The following BRWD1 variants were observed in gnomAD, a reference collection of about 807,000 sequenced individuals.
The protein encoded by BRWD1 is bromodomain and WD repeat-containing protein 1.
Under a neutral mutation model 251.2 loss-of-function variants are expected in BRWD1, and 82 were observed. The observed-to-expected ratio is 0.33, with a 90% CI of 0.27 to 0.39. The LOEUF (loss-of-function observed/expected upper bound fraction) is 0.39. Among genes scored for constraint, BRWD1 ranks in the 10% least tolerant of loss-of-function variants. The probability of loss-of-function intolerance (pLI) is 1.00; values close to 1 mark genes in which losing one functional copy is unlikely to be tolerated. For synonymous variants in BRWD1, 918 were observed against 902.8 expected (o/e 1.02, Z -0.30); for missense variants, 2,233 against 2,711.6 (o/e 0.82, Z 3.92).
intron 32 of BRWD1, 152 bp downstream of exon 32, chr21:39,215,085 G>T: frequency 6.2e-6 from 4 of 644,986 alleles, no homozygotes; most frequent in Non-Finnish European, 1.0e-5. Context: ...TGGTACGCTG[G>T]TCTCAAATGC....
chr21:39,310,603 C>CAA (rs59612585), intron 4 of BRWD1, among the ~76,000 whole-genome samples: 32 of 149,650 alleles, frequency 2.1e-4, no homozygotes, highest in African/African-American at 3.0e-4. Flanking sequence ...CAGACTGTCT[C>CAA]AAAAAAAAAA....
chr21:39,249,917 T>G (rs1322014043), intron 20 of BRWD1, among the ~76,000 whole-genome samples: 5 of 7,206 alleles, frequency 6.9e-4, no homozygotes, highest in Non-Finnish European at 1.2e-3. Flanking sequence ...AGAAGGGGGG[T>G]GTGTGTGTGT....
Position 39,191,097 on chromosome 21 carries a change from C to T in BRWD1, c.*5162G>A. The T allele has an allele frequency of 1.0e-6, 1 of 985,284 alleles. No individual in the cohort carries two copies. The highest frequency in any genetic ancestry group is 1.2e-6 in the Non-Finnish European group (1 of 829,872). The allele number at this position is 985,284 out of a possible 1,614,324, so 61.0% of individuals were successfully genotyped here. A position where few individuals can be genotyped will look rare whatever the true frequency, so the allele number is the denominator to read the frequency against. On this transcript the variant is annotated 3_prime_UTR_variant, in exon 41 of 41. Coordinates refer to ENST00000342449, the MANE Select transcript of BRWD1 (RefSeq NM_033656.4). The stretch of plus-strand genomic sequence containing the variant: ...TTAATTTGCTTTTTAGAAGCAATAC[C>T]TTAAGAGCATTTCACACTAAATGCA...
intron 15 of BRWD1, among the ~76,000 whole-genome samples, 165 bp downstream of exon 15, chr21:39,269,734 G>A (rs1048047312): frequency 6.6e-6 from 1 of 152,082 alleles, no homozygotes; most frequent in African/African-American, 2.4e-5. Context: ...TTTCATGTAT[G>A]TACGTATATA....
upstream of BRWD1, chr21:39,314,207 G>A (rs1034045422): frequency 2.2e-6 from 1 of 455,738 alleles, no homozygotes; most frequent in African/African-American, 2.0e-5. Context: ...GGGGAACGCC[G>A]CCCGGACCCG....
Position 39,250,855 on chromosome 21 carries a change from C to T in BRWD1, c.2290G>A (p.Glu764Lys). The T allele has an allele frequency of 1.2e-6, 2 of 1,600,966 alleles. No homozygotes were observed. Among genetic ancestry groups the T allele is most frequent in the Non-Finnish European group, 1.7e-6 (2 of 1,173,756 alleles). ...LEDFRLEKGE[E>K]ERNLYIIGRK... ...CCTATTATATAAAGATTTCTTTCCT[C>T]TTCACCTTTCTCTAATCGGAAGTCT... Residue 764 changes from glutamate to lysine, a missense_variant, in exon 20 of 41, where the codon GAG becomes AAG. Physicochemically the swap from Glu to Lys is moderately conservative, Grantham distance 56. Coordinates refer to ENST00000342449, the MANE Select transcript of BRWD1 (RefSeq NM_033656.4).
rs1601322701 is a variant in BRWD1 at position 39,225,326 on chromosome 21, C to T, written c.3209-129G>A. On this transcript the variant is annotated intron_variant, in intron 27 of 40. Transcript: ENST00000342449. The stretch of plus-strand genomic sequence containing the variant: ...ACAATACAAAAACAGGCAAGCAGCG[C>T]TCCTAAACAAACCAAGAAAAATATG... The T allele has an allele frequency of 3.0e-5, 19 of 629,280 alleles. No individual in the cohort carries two copies. In the East Asian group the frequency reaches 5.3e-4, roughly 18 times the overall value. 39.0% of individuals were successfully genotyped at this position (629,280 alleles called of 1,614,324 possible). A position where few individuals can be genotyped will look rare whatever the true frequency, so the allele number is the denominator to read the frequency against.
intron 29 of BRWD1, among the ~76,000 whole-genome samples, chr21:39,224,141 C>T (rs1389275837): frequency 1.3e-5 from 2 of 152,146 alleles, no homozygotes; most frequent in East Asian, 1.9e-4. Flanking sequence ...TGAGCCATGG[C>T]GCCCAGCCAG....
At chr21:39,230,353 T>C (rs1350691722) in intron 25 of BRWD1, among the ~76,000 whole-genome samples, 1 of 152,168 alleles carries the variant, frequency 6.6e-6, no homozygotes, top group Non-Finnish European at 1.5e-5. Flanking sequence ...ACTGAACAAA[T>C]GTTATTATTA....
At chr21:39,316,868 G>C (rs572497252), upstream of BRWD1, among the ~76,000 whole-genome samples, 1 of 152,112 alleles carries the variant, frequency 6.6e-6, no homozygotes, top group East Asian at 1.9e-4. Flanking sequence ...AGCCGGGGGG[G>C]ATTGACGCTG....
downstream of BRWD1, chr21:39,184,856 C>G (rs2031122816): frequency 6.6e-6 from 1 of 152,080 alleles, no homozygotes; most frequent in African/African-American, 2.4e-5. Flanking sequence ...GTTAACTGGT[C>G]TATTATGATG....
intron 38 of BRWD1, among the ~76,000 whole-genome samples, chr21:39,201,925 G>C (rs1327932581): frequency 6.6e-6 from 1 of 152,196 alleles, no homozygotes; most frequent in Non-Finnish European, 1.5e-5. Flanking sequence ...TTTGTACAAT[G>C]TTAACAAAGT....
chr21:39,288,904 A>G (rs897343354), intron 8 of BRWD1, among the ~76,000 whole-genome samples: 7 of 152,212 alleles, frequency 4.6e-5, no homozygotes, highest in Admixed American at 1.3e-4. Context: ...AAATCTATAT[A>G]TAAGTCGACC....
chr21:39,313,360 G>GGGAGCCGGA (rs2146821890), intron 1 of BRWD1, 61 bp from the exon 2 acceptor site: 1 of 1,479,266 alleles, frequency 6.8e-7, no homozygotes, highest in Non-Finnish European at 9.0e-7. Flanking sequence ...ACGGGGCCAG[G>GGGAGCCGGA]GGAGCCGGGG....
At chr21:39,256,169 A>C (rs2034556913) in intron 18 of BRWD1, among the ~76,000 whole-genome samples, 1 of 152,222 alleles carries the variant, frequency 6.6e-6, no homozygotes, top group Non-Finnish European at 1.5e-5. Context: ...CGGAACAAAC[A>C]TTAACTATTA....
In BRWD1 at chr21:39,232,450, A is replaced by C. The variant is rs1020676674; in HGVS notation, c.2815T>G (p.Tyr939Asp). 6.3e-7 allele frequency: 1 copy of C among 1,587,824 alleles called. No homozygotes were observed. Among genetic ancestry groups the C allele is most frequent in the African/African-American group, 1.4e-5 (1 of 73,042 alleles). Residue 939 changes from tyrosine to aspartate, a missense_variant, in exon 24 of 41, where the codon TAT becomes GAT. Tyr to Asp is a radical substitution (Grantham distance 160, BLOSUM62 -3). Coordinates refer to ENST00000342449, the MANE Select transcript of BRWD1 (RefSeq NM_033656.4). ...PAELANMEHL[Y>D]EFHPPVWITD... ...ATCCAAACTGGAGGGTGAAATTCAT[A>C]TAAATGCTCCATATTTGCAAGCTCT...
intron 25 of BRWD1, among the ~76,000 whole-genome samples, chr21:39,230,134 G>T (rs1012645616): frequency 6.6e-6 from 1 of 152,154 alleles, no homozygotes; most frequent in African/African-American, 2.4e-5. Context: ...TTGATATTAA[G>T]TTTCTGCCTA....
At chr21:39,251,683 C>A (rs2034398030) in intron 19 of BRWD1, among the ~76,000 whole-genome samples, 2 of 152,144 alleles carry the variant, frequency 1.3e-5, no homozygotes, top group East Asian at 1.9e-4. Flanking sequence ...TTTTATCCAG[C>A]GGGGATTTCT....
rs773181820 is a variant in BRWD1, at chr21:39,313,025, G to C, written c.138+47C>G. On this transcript the variant is annotated intron_variant, in intron 3 of 40. Transcript: ENST00000342449. Reference sequence around the variant, plus strand: ...GCGGGCGAGCATCCCTCAGGGCAAGGTCGGCAGGAGGAACCCGAGGGAGCG... The same window carrying C: ...GCGGGCGAGCATCCCTCAGGGCAAGCTCGGCAGGAGGAACCCGAGGGAGCG... The C allele has an allele frequency of 1.4e-5, 19 of 1,314,418 alleles. No homozygotes were observed. The South Asian group carries it at 3.0e-4, about 20-fold the overall frequency. The allele number at this position is 1,314,418 out of a possible 1,614,324, so 81.4% of individuals were successfully genotyped here. A position where few individuals can be genotyped will look rare whatever the true frequency, so the allele number is the denominator to read the frequency against.
Sources: allele counts gnomAD v4.1 joint callset (sites outside exome capture counted in the v4.1 genomes callset), GRCh38; gene constraint gnomAD v4.1.1; transcripts MANE v1.5; gene names NCBI Gene and HGNC (gene_info 2026-07-23, HGNC 2026-07-21).